The following AFDN variants were observed in gnomAD, a reference collection of about 807,000 sequenced individuals.
The protein encoded by AFDN is afadin.
Under a neutral mutation model 216.6 loss-of-function variants are expected in AFDN, and 68 were observed. That is an observed-to-expected ratio of 0.31 (90% CI 0.26 to 0.38). The LOEUF (loss-of-function observed/expected upper bound fraction) is 0.38, where lower values mean the gene tolerates loss of function less well. Among genes scored for constraint, AFDN ranks in the 10% least tolerant of loss-of-function variants. The probability of loss-of-function intolerance (pLI) is 1.00; values close to 1 mark genes in which losing one functional copy is unlikely to be tolerated. For synonymous variants in AFDN, 868 were observed against 853.7 expected (o/e 1.02, Z -0.29); for missense variants, 2,136 against 2,342.0 (o/e 0.91, Z 1.82).
At chr6:167,884,837 C>T (rs997493266) in intron 6 of AFDN, among the ~76,000 whole-genome samples, 3 of 152,160 alleles carry the variant, frequency 2.0e-5, no homozygotes, top group Admixed American at 6.5e-5. Flanking sequence ...TTTGAAGCTT[C>T]GAAGCCAGGC....
At position 167,914,167 on chromosome 6, in the gene AFDN, G is replaced by A; in HGVS notation, c.2059-1G>A. 6.2e-7 allele frequency: 1 copy of A among 1,613,624 alleles called. No individual in the cohort carries two copies. Among genetic ancestry groups the A allele is most frequent in the Non-Finnish European group, 8.5e-7 (1 of 1,179,770 alleles). On this transcript the variant is annotated splice_acceptor_variant, in intron 16 of 33. Coordinates refer to ENST00000683244, the MANE Select transcript of AFDN (RefSeq NM_001386888.1). LOFTEE classifies it high-confidence loss of function. ...CTTATGGAAGTGTGTTCTGTCTACAGAAACAGAAGAATATTGCAGGGGCAC... is the reference window on the plus strand; with the variant it reads ...CTTATGGAAGTGTGTTCTGTCTACAAAAACAGAAGAATATTGCAGGGGCAC...
At chr6:167,895,862 C>T (rs1342766505) in intron 9 of AFDN, among the ~76,000 whole-genome samples, 1 of 152,142 alleles carries the variant, frequency 6.6e-6, no homozygotes, top group Non-Finnish European at 1.5e-5. Context: ...CTTGGCGACT[C>T]TTACTGGTTT....
At chr6:167,937,912 A>C (rs1794205644) in intron 23 of AFDN, among the ~76,000 whole-genome samples, 1 of 152,218 alleles carries the variant, frequency 6.6e-6, no homozygotes, top group Non-Finnish European at 1.5e-5. Flanking sequence ...AAATTGGCCA[A>C]ATTCCTTATC....
At chr6:167,917,282 G>T in intron 20 of AFDN, 50 bp downstream of exon 20, 1 of 1,407,638 alleles carries the variant, frequency 7.1e-7, no homozygotes, top group South Asian at 1.9e-5. Context: ...TGTTTGCATG[G>T]GGACATTTGG....
Position 167,914,171 on chromosome 6 carries a change from CAG to C in AFDN, c.2064_2065del (p.Lys689GlufsTer15). 3 of 1,613,856 alleles carry C rather than the reference CAG, an allele frequency of 1.9e-6. No homozygotes were observed. Among genetic ancestry groups the C allele is most frequent in the Non-Finnish European group, 2.5e-6 (3 of 1,179,930 alleles). ...TGGAAGTGTGTTCTGTCTACAGAAA[CAG>C]AAGAATATTGCAGGGGCACTTGCCT... The part of the protein sequence containing the change: ...IQEVDQVDQK[Q>X]KNIAGALAFW... On this transcript the variant is annotated frameshift_variant, in exon 17 of 34. Transcript: ENST00000683244. LOFTEE classifies it high-confidence loss of function.
At chr6:167,832,575 A>T (rs1779945475) in intron 1 of AFDN, among the ~76,000 whole-genome samples, 1 of 152,252 alleles carries the variant, frequency 6.6e-6, no homozygotes, top group Non-Finnish European at 1.5e-5. Context: ...TGTGCTTAAT[A>T]AAGTGAGAAT....
chr6:167,876,475 G>A (rs1433397744), intron 5 of AFDN, among the ~76,000 whole-genome samples: 2 of 152,178 alleles, frequency 1.3e-5, no homozygotes, highest in African/African-American at 2.4e-5. Flanking sequence ...ATACAAAGAA[G>A]AACAGTAGTA....
chr6:167,961,305 C>T (rs1381592149), intron 30 of AFDN, among the ~76,000 whole-genome samples: 2 of 152,126 alleles, frequency 1.3e-5, no homozygotes. Context: ...TGTGGGTGTT[C>T]CTGTAGCACA....
chr6:167,905,966 G>A (rs1789618881), intron 12 of AFDN, among the ~76,000 whole-genome samples: 1 of 152,270 alleles, frequency 6.6e-6, no homozygotes, highest in East Asian at 1.9e-4. Flanking sequence ...TTAGCCGGGC[G>A]TGGTGGCGGG....
Position 167,898,422 on chromosome 6 carries a change from C to T in AFDN, c.1535C>T (p.Ser512Phe). 6.2e-7 allele frequency: 1 copy of T among 1,614,142 alleles called. No homozygotes were observed. Among genetic ancestry groups the T allele is most frequent in the Non-Finnish European group, 8.5e-7 (1 of 1,180,018 alleles). ...CAGGATCATGCTCTTGCAAAAAGAT[C>T]TGTGGATGGAGGCCTGATGGTTAAG... ...PSQDHALAKR[S>F]VDGGLMVKGP... The change falls in exon 11 of 34, where the codon TCT (serine) becomes TTT (phenylalanine). Residue 512 changes from serine to phenylalanine, a missense_variant. By Grantham distance (155) the Ser-to-Phe change is radical. Coordinates refer to ENST00000683244, the MANE Select transcript of AFDN (RefSeq NM_001386888.1).
chr6:167,877,341 A>G (rs151303861), intron 5 of AFDN, among the ~76,000 whole-genome samples: 264 of 152,328 alleles, frequency 1.7e-3, no homozygotes, highest in African/African-American at 6.0e-3. Flanking sequence ...CCAGTGGCAC[A>G]TGGCGATTAG....
intron 1 of AFDN, among the ~76,000 whole-genome samples, chr6:167,845,428 ACT>A (rs1781556751): frequency 6.7e-6 from 1 of 149,702 alleles, no homozygotes. Flanking sequence ...ACAGAGTTTT[ACT>A]CTTGTTTCCC....
chr6:167,877,281 T>C (rs1785494803), intron 5 of AFDN, among the ~76,000 whole-genome samples: 1 of 152,178 alleles, frequency 6.6e-6, no homozygotes, highest in Admixed American at 6.5e-5. Context: ...TTGTTTATGT[T>C]TGTCACATAA....
intron 20 of AFDN, among the ~76,000 whole-genome samples, chr6:167,918,266 A>G (rs889807699): frequency 1.3e-5 from 2 of 152,218 alleles, no homozygotes; most frequent in African/African-American, 4.8e-5. Flanking sequence ...ACCTCTATAT[A>G]TTGATATATT....
chr6:167,918,612 G>C, intron 20 of AFDN, 123 bp from the exon 21 acceptor site: 6 of 828,492 alleles, frequency 7.2e-6, no homozygotes, highest in South Asian at 3.0e-5. Flanking sequence ...GTCTGTCTGT[G>C]TGTGTGTGTG....
At chr6:167,900,831 G>A (rs1788853061) in intron 11 of AFDN, among the ~76,000 whole-genome samples, 1 of 152,146 alleles carries the variant, frequency 6.6e-6, no homozygotes, top group Admixed American at 6.5e-5. Context: ...TCAAACTGAT[G>A]GGAGCCAGCA....
intron 23 of AFDN, among the ~76,000 whole-genome samples, chr6:167,930,127 C>G (rs1793098440): frequency 6.6e-6 from 1 of 152,130 alleles, no homozygotes; most frequent in South Asian, 2.1e-4. Context: ...ATGGTTTGAG[C>G]TCAGGAGGCT....
At chr6:167,907,718 T>G (rs1789877789) in intron 13 of AFDN, among the ~76,000 whole-genome samples, 1 of 152,182 alleles carries the variant, frequency 6.6e-6, no homozygotes, top group South Asian at 2.1e-4. Flanking sequence ...GAATTATAAA[T>G]GCCATATTAT....
chr6:167,942,199 G>A (rs570375243), intron 23 of AFDN, among the ~76,000 whole-genome samples: 1 of 152,296 alleles, frequency 6.6e-6, no homozygotes, highest in South Asian at 2.1e-4. Flanking sequence ...AATGCGAGTG[G>A]TTTCCAAGTG....
Sources: allele counts gnomAD v4.1 joint callset (sites outside exome capture counted in the v4.1 genomes callset), GRCh38; gene constraint gnomAD v4.1.1; transcripts MANE v1.5; gene names NCBI Gene and HGNC (gene_info 2026-07-23, HGNC 2026-07-21).